HERC2: variants seen among roughly 807,000 people sequenced by gnomAD.
HERC2 encodes HECT and RLD domain containing E3 ubiquitin protein ligase 2.
In HERC2, 102 loss-of-function variants were observed where a neutral mutation model predicts 537.7. The ratio of observed to expected loss-of-function variants is 0.19; its 90% CI spans 0.16 to 0.22. The LOEUF is 0.22. Ranked by LOEUF, HERC2 falls within the 10% of genes least tolerant of loss-of-function variation. The probability of loss-of-function intolerance (pLI) is 1.00; values close to 1 mark genes in which losing one functional copy is unlikely to be tolerated. For synonymous variants in HERC2, 2,224 were observed against 2,466.2 expected, an observed-to-expected ratio of 0.90 and a Z score of 2.91; for missense variants, 4,236 against 6,198.2, an observed-to-expected ratio of 0.68 and a Z score of 10.63.
intron 65 of HERC2, among the ~76,000 whole-genome samples, chr15:28,170,920 T>C (rs537281101): frequency 1.3e-5 from 2 of 151,484 alleles, no homozygotes; most frequent in Admixed American, 6.6e-5. Flanking sequence ...ATAAGGAAAA[T>C]ATTAAAACCA....
At position 28,269,369 on chromosome 15, in the gene HERC2, G is replaced by A; in HGVS notation, c.1325C>T (p.Pro442Leu). Reference sequence around the variant, plus strand: ...GTTGGCCAGGCCTTCGCACTGGATTGGACCAATCACATTGGCATAGTATTT... The same window carrying A: ...GTTGGCCAGGCCTTCGCACTGGATTAGACCAATCACATTGGCATAGTATTT... The part of the protein sequence containing the change: ...GWKYYANVIG[P>L]IQCEGLANLG... The change falls in exon 11 of 93, where the codon CCA (proline) becomes CTA (leucine). Residue 442 changes from proline (P) to leucine (L), a missense_variant. Around this residue, in one of 27 missense-constraint regions of HERC2, gnomAD observed 491 missense variants for 559.3 expected, o/e 0.88. Transcript: ENST00000261609. 6.2e-7 allele frequency: 1 copy of A among 1,614,092 alleles called. No homozygotes were observed. Among genetic ancestry groups the A allele is most frequent in the Non-Finnish European group, 8.5e-7 (1 of 1,179,990 alleles).
chr15:28,236,318 C>T (rs1408211186), intron 26 of HERC2, among the ~76,000 whole-genome samples: 3 of 151,974 alleles, frequency 2.0e-5, no homozygotes, highest in Non-Finnish European at 4.4e-5. Flanking sequence ...GAGACGGAGT[C>T]TCGCTCTTGT....
intron 81 of HERC2, among the ~76,000 whole-genome samples, chr15:28,131,239 C>T (rs1210647150): frequency 6.6e-6 from 1 of 152,192 alleles, no homozygotes; most frequent in Non-Finnish European, 1.5e-5. Flanking sequence ...CGTCCTGCTC[C>T]AGCCCCTCTG....
chr15:28,113,788 G>A lies in HERC2; in HGVS notation c.13914-110C>T. ...GTGGCCGCACACGTCCCAGCTGGGA[G>A]AACAGAGGGAGCAGCTCCAGATGGC... On this transcript the variant is annotated intron_variant, in intron 90 of 92. Coordinates refer to ENST00000261609, the MANE Select transcript of HERC2 (RefSeq NM_004667.6). The surrounding 1 kb of genome is among the most constrained non-coding windows in gnomAD (Gnocchi z 7.0). 1 of 826,970 alleles carries A rather than the reference G, an allele frequency of 1.2e-6. No homozygotes were observed. The highest frequency in any genetic ancestry group is 2.0e-6 in the Non-Finnish European group (1 of 498,408). The allele number at this position is 826,970 out of a possible 1,614,324, so 51.2% of individuals were successfully genotyped here. A position where few individuals can be genotyped will look rare whatever the true frequency, so the allele number is the denominator to read the frequency against.
chr15:28,274,247 G>C, intron 7 of HERC2, 44 bp downstream of exon 7: 1 of 1,604,934 alleles, frequency 6.2e-7, no homozygotes. Context: ...GCCTCAAGCA[G>C]GCCAGCTGTC....
At chr15:28,230,118 AAG>A in intron 31 of HERC2, among the ~76,000 whole-genome samples, 1 of 152,248 alleles carries the variant, frequency 6.6e-6, no homozygotes, top group East Asian at 1.9e-4. Flanking sequence ...TTCTGGAACA[AAG>A]AATATATTTA....
intron 69 of HERC2, among the ~76,000 whole-genome samples, chr15:28,159,083 G>C (rs1298477000): frequency 6.6e-6 from 1 of 152,212 alleles, no homozygotes; most frequent in Admixed American, 6.5e-5. Flanking sequence ...CTTCTGGCTT[G>C]TAGAGTTTCT....
chr15:28,168,674 A>G, intron 66 of HERC2, 84 bp from the exon 67 acceptor site: 1 of 1,281,544 alleles, frequency 7.8e-7, no homozygotes, highest in Non-Finnish European at 1.1e-6. Flanking sequence ...GCTAGCACGC[A>G]CTGAGGCGTT....
At chr15:28,244,975 C>T (rs1903515528) in intron 23 of HERC2, among the ~76,000 whole-genome samples, 1 of 152,038 alleles carries the variant, frequency 6.6e-6, no homozygotes, top group Admixed American at 6.6e-5. Context: ...ATTCAAAAAC[C>T]CAAAACTCAA....
At chr15:28,259,980 A>C (rs1383879803) in intron 16 of HERC2, among the ~76,000 whole-genome samples, 2 of 150,882 alleles carry the variant, frequency 1.3e-5, no homozygotes, top group Non-Finnish European at 3.0e-5. Flanking sequence ...AAAAAAAAAA[A>C]AAAAAAAAAA....
intron 2 of HERC2, among the ~76,000 whole-genome samples, chr15:28,302,443 CTAT>C (rs2076661761): frequency 9.5e-6 from 1 of 105,110 alleles, no homozygotes; most frequent in African/African-American, 3.5e-5. Flanking sequence ...CAAATCTTGG[CTAT>C]TGAGAATAGT....
At chr15:28,262,823 T>C (rs2075451035) in intron 15 of HERC2, 95 bp downstream of exon 15, 1 of 1,295,466 alleles carries the variant, frequency 7.7e-7, no homozygotes, top group African/African-American at 1.5e-5. Context: ...TGCTAACTCA[T>C]GGAATGTCAG....
chr15:28,253,325 T>C (rs1175379672), intron 20 of HERC2, among the ~76,000 whole-genome samples: 1 of 152,224 alleles, frequency 6.6e-6, no homozygotes, highest in Non-Finnish European at 1.5e-5. Flanking sequence ...AAAGTTACCT[T>C]ACAAAGTAGT....
chr15:28,321,766 A>C (rs1373391858), intron 1 of HERC2, among the ~76,000 whole-genome samples: 1 of 136,828 alleles, frequency 7.3e-6, no homozygotes, highest in African/African-American at 3.3e-5. Context: ...CCTCAAATCC[A>C]AGAAGTACAC....
chr15:28,146,410 A>G (rs1891740629), intron 70 of HERC2, 66 bp from the exon 71 acceptor site: 1 of 1,068,698 alleles, frequency 9.4e-7, no homozygotes, highest in Non-Finnish European at 1.4e-6. Flanking sequence ...AGAAACAGTG[A>G]AACTAAAACC....
intron 90 of HERC2, among the ~76,000 whole-genome samples, chr15:28,114,147 G>A (rs1018470963): frequency 1.3e-5 from 2 of 152,214 alleles, no homozygotes; most frequent in South Asian, 2.1e-4. Flanking sequence ...GCTTCCAGGG[G>A]ACATGGGACA....
At chr15:28,187,493 G>A (rs1351365550) in intron 55 of HERC2, among the ~76,000 whole-genome samples, 5 of 151,740 alleles carry the variant, frequency 3.3e-5, no homozygotes, top group South Asian at 2.1e-4. Context: ...CACCACACCC[G>A]GCTAATTTTT....
In HERC2 at chr15:28,124,102, C is replaced by T. The variant is rs1889215304; in HGVS notation, c.13123G>A (p.Glu4375Lys). The stretch of plus-strand genomic sequence containing the variant: ...CCAACAGAAGGCCCGAGTCCAGTTT[C>T]GTCGAGCGAGCCTTCCAGGTCGAAC... ...PMFDLEGSLDETGLGPSVGFD... is the reference protein window; with the variant it reads ...PMFDLEGSLDKTGLGPSVGFD... The change falls in exon 85 of 93, where the codon GAA becomes AAA. Residue 4375 changes from glutamate to lysine, a missense_variant. By Grantham distance (56) the Glu-to-Lys change is moderately conservative (BLOSUM62 1). Coordinates refer to ENST00000261609, the MANE Select transcript of HERC2 (RefSeq NM_004667.6). The T allele has an allele frequency of 5.6e-6, 9 of 1,607,762 alleles. No homozygotes were observed. The highest frequency in any genetic ancestry group is 7.6e-6 in the Non-Finnish European group (9 of 1,177,062).
intron 82 of HERC2, 83 bp from the exon 83 acceptor site, chr15:28,130,385 G>A (rs890918163): frequency 6.2e-7 from 1 of 1,601,422 alleles, no homozygotes; most frequent in Non-Finnish European, 8.6e-7. Context: ...AGCCTCTGCT[G>A]TTCAGGACAC....
Sources: allele counts gnomAD v4.1 joint callset (sites outside exome capture counted in the v4.1 genomes callset), GRCh38; gene constraint gnomAD v4.1.1; regional missense constraint gnomAD v4.1.1; non-coding constraint Gnocchi (gnomAD v3.1); transcripts MANE v1.5; gene names NCBI Gene and HGNC (gene_info 2026-07-23, HGNC 2026-07-21).